Variants in VPS8 observed in about 807,000 individuals in gnomAD.
The protein encoded by VPS8 is VPS8 subunit of CORVET complex.
Under a neutral mutation model 216.4 loss-of-function variants are expected in VPS8, and 129 were observed. That is an observed-to-expected ratio of 0.60 (90% CI 0.52 to 0.69). The LOEUF is 0.69. VPS8 is among the 30% of genes least tolerant of loss of function. The pLI, the probability that VPS8 is intolerant of heterozygous loss-of-function variation, is 0.00. For synonymous variants in VPS8, 571 were observed against 565.4 expected, an observed-to-expected ratio of 1.01 and a Z score of -0.14; for missense variants, 1,531 against 1,683.5, an observed-to-expected ratio of 0.91 and a Z score of 1.59.
At chr3:184,826,681 A>G (rs917249070) in intron 3 of VPS8, among the ~76,000 whole-genome samples, 14 of 152,344 alleles carry the variant, frequency 9.2e-5, no homozygotes, top group Admixed American at 2.0e-4. Flanking sequence ...TGAGGTTTGT[A>G]TTATGTGTTG....
intron 39 of VPS8, among the ~76,000 whole-genome samples, chr3:184,969,962 T>G (rs1748134937): frequency 7.2e-6 from 1 of 138,106 alleles, no homozygotes; most frequent in Non-Finnish European, 1.5e-5. Flanking sequence ...CAGGCTGGAG[T>G]GCAGTGGCGC....
At chr3:184,928,590 T>C (rs531195608) in intron 32 of VPS8, 57 bp downstream of exon 32, 3 of 1,271,546 alleles carry the variant, frequency 2.4e-6, no homozygotes, top group South Asian at 4.8e-5. Flanking sequence ...ATTATATTTC[T>C]TTAACTTAAA....
chr3:184,989,854 C>G (rs190055518), intron 42 of VPS8, among the ~76,000 whole-genome samples: 14 of 151,968 alleles, frequency 9.2e-5, no homozygotes, highest in African/African-American at 3.4e-4. Context: ...GGGCAGATCA[C>G]GAGGTCAGGA....
In VPS8 at chr3:185,052,190, A is replaced by G; in HGVS notation, c.*165A>G. 1.5e-6 allele frequency: 1 copy of G among 651,126 alleles called. No individual in the cohort carries two copies. Among genetic ancestry groups the G allele is most frequent in the Non-Finnish European group, 2.5e-6 (1 of 403,602 alleles). The allele number at this position is 651,126 out of a possible 1,614,324, so 40.3% of individuals were successfully genotyped here. ...GCGTCCACAGCACCATTCCCAGTGT[A>G]GACTCCCAGTCTTCTCCACATTGCT... On this transcript the variant is annotated 3_prime_UTR_variant, in exon 48 of 48. Coordinates refer to ENST00000625842, the MANE Select transcript of VPS8 (RefSeq NM_001009921.3).
At chr3:185,034,609 TTTGTTGTTGTTGTTG>T (rs71632042) in intron 46 of VPS8, among the ~76,000 whole-genome samples, 2 of 145,442 alleles carry the variant, frequency 1.4e-5, no homozygotes, top group African/African-American at 5.2e-5. Flanking sequence ...CGTTGATAGT[TTTGTTGTTGTTGTTG>T]TTGTTGTTGT....
rs190794799 is a variant in VPS8, at chr3:184,834,639, T to C, written c.354-10T>C. ...ATCTGTTTTTAAATGTTTTTCTTTT[T>C]TTTTTTCAGGAAGAAGAAATTACCT... On this transcript the variant is annotated splice_polypyrimidine_tract_variant and intron_variant, in intron 4 of 47. Transcript: ENST00000625842. The C allele has an allele frequency of 8.6e-4, 1,312 of 1,526,954 alleles. 1 individual carries two copies. The highest frequency in any genetic ancestry group is 1.1e-3 in the South Asian group (86 of 78,584). 94.6% of individuals were successfully genotyped at this position (1,526,954 alleles called of 1,614,324 possible).
chr3:184,867,191 A>T (rs1166520035), intron 17 of VPS8, among the ~76,000 whole-genome samples: 1 of 152,046 alleles, frequency 6.6e-6, no homozygotes, highest in Admixed American at 6.5e-5. Flanking sequence ...TGATTCAGAG[A>T]TGTGCTTTTG....
At chr3:184,925,118 T>C in intron 30 of VPS8, 137 bp downstream of exon 30, 1 of 1,191,652 alleles carries the variant, frequency 8.4e-7, no homozygotes, top group Non-Finnish European at 1.1e-6. Context: ...GTTTTGGATC[T>C]AAGTTAGGGG....
chr3:184,846,719 T>C (rs1447228679), intron 8 of VPS8, among the ~76,000 whole-genome samples: 1 of 152,232 alleles, frequency 6.6e-6, no homozygotes, highest in East Asian at 1.9e-4. Context: ...CAGCTCTATC[T>C]TTGTCCTCTT....
At chr3:184,960,722 G>GA (rs1193142241) in intron 37 of VPS8, among the ~76,000 whole-genome samples, 20 of 152,128 alleles carry the variant, frequency 1.3e-4, no homozygotes, top group African/African-American at 4.8e-4. Context: ...TTTAGAATCT[G>GA]AACTTTGATT....
In VPS8 at chr3:184,987,414, T is replaced by C. The variant is rs562826967; in HGVS notation, c.3585+4320T>C. 4.5e-4 allele frequency among the ~76,000 whole-genome samples: 12 copies of C among 26,466 alleles called. No individual in the cohort carries two copies. The South Asian group carries it at 0.012, about 27-fold the overall frequency. 17.4% of individuals were successfully genotyped at this position (26,466 alleles called of 152,430 possible). A position where few individuals can be genotyped will look rare whatever the true frequency, so the allele number is the denominator to read the frequency against. Reference sequence around the variant, plus strand: ...CAGGTGCGAGTCACCGTGCCCACACTGATTTTTTTTTTTTAACTGTCCCTA... The same window carrying C: ...CAGGTGCGAGTCACCGTGCCCACACCGATTTTTTTTTTTTAACTGTCCCTA... On this transcript the variant is annotated intron_variant, in intron 42 of 47. Transcript: ENST00000625842.
chr3:184,891,052 A>G (rs1732248168), intron 22 of VPS8, among the ~76,000 whole-genome samples: 1 of 152,132 alleles, frequency 6.6e-6, no homozygotes, highest in South Asian at 2.1e-4. Flanking sequence ...CATAATTATA[A>G]TTTTGAACGT....
intron 14 of VPS8, 46 bp downstream of exon 14, chr3:184,855,864 AT>A: frequency 2.1e-6 from 3 of 1,440,260 alleles, no homozygotes; most frequent in Non-Finnish European, 2.9e-6. Flanking sequence ...AATTTTTTTT[AT>A]TCATCAGCAA....
chr3:184,875,878 T>C (rs959077689), intron 21 of VPS8, among the ~76,000 whole-genome samples: 33 of 151,204 alleles, frequency 2.2e-4, no homozygotes, highest in Admixed American at 6.6e-5. Context: ...TAGTCCCAGC[T>C]ACTCTGGAGG....
intron 23 of VPS8, 77 bp from the exon 24 acceptor site, chr3:184,898,488 C>T (rs1362583489): frequency 6.1e-6 from 7 of 1,144,020 alleles, no homozygotes; most frequent in African/African-American, 3.1e-5. Context: ...CATTCAAGAC[C>T]TTTCCCATTC....
intron 31 of VPS8, among the ~76,000 whole-genome samples, chr3:184,926,948 C>A (rs1739767409): frequency 6.6e-6 from 1 of 152,176 alleles, no homozygotes; most frequent in Non-Finnish European, 1.5e-5. Flanking sequence ...ACCCTGCATT[C>A]CATTGGCATC....
intron 7 of VPS8, among the ~76,000 whole-genome samples, chr3:184,841,638 C>T (rs967419056): frequency 7.9e-5 from 12 of 152,054 alleles, no homozygotes; most frequent in Non-Finnish European, 1.6e-4. Flanking sequence ...ATCTAATGGC[C>T]CCCTAGAAAA....
At chr3:185,016,288 G>C (rs1755780724) in intron 45 of VPS8, among the ~76,000 whole-genome samples, 2 of 152,226 alleles carry the variant, frequency 1.3e-5, no homozygotes, top group South Asian at 4.1e-4. Context: ...AATTCTGTCA[G>C]AAGCTATAGT....
intron 25 of VPS8, among the ~76,000 whole-genome samples, chr3:184,901,941 G>GAT (rs1560595586): frequency 6.6e-6 from 1 of 152,096 alleles, no homozygotes; most frequent in Non-Finnish European, 1.5e-5. Context: ...GCAAGCACTT[G>GAT]ATACTGTCAG....
Sources: allele counts gnomAD v4.1 joint callset (sites outside exome capture counted in the v4.1 genomes callset), GRCh38; gene constraint gnomAD v4.1.1; transcripts MANE v1.5; gene names NCBI Gene and HGNC (gene_info 2026-07-23, HGNC 2026-07-21).